The following CDK14 variants were observed in gnomAD, a reference collection of about 807,000 sequenced individuals.
CDK14 encodes cyclin-dependent kinase 14.
CDK14 carries 34 observed loss-of-function variants against 60.7 expected under a neutral mutation model. That is an observed-to-expected ratio of 0.56 (90% CI 0.43 to 0.75). The LOEUF (loss-of-function observed/expected upper bound fraction) is 0.75. Among genes scored for constraint, CDK14 ranks in the 30% least tolerant of loss-of-function variants. The pLI is 0.00. For synonymous variants in CDK14, 197 were observed against 203.7 expected (o/e 0.97, Z 0.28); for missense variants, 482 against 564.1 (o/e 0.85, Z 1.47).
At position 90,740,253 on chromosome 7, in the gene CDK14, G is replaced by GTA. The variant is rs113753789; in HGVS notation, c.370-7411_370-7410dup. Among the ~76,000 whole-genome samples, 1,315 of 145,326 alleles carry GTA rather than the reference G, an allele frequency of 9.0e-3. 10 individuals are homozygous for GTA. The highest frequency in any genetic ancestry group is 0.021 in the East Asian group (100 of 4,720). On this transcript the variant is annotated intron_variant, in intron 3 of 14. Coordinates refer to ENST00000380050, the MANE Select transcript of CDK14 (RefSeq NM_001287135.2). Reference sequence around the variant, plus strand: ...TATATATGTGTATGTATGTGTGTGTGTATATATATATATATATAGAGAGAG... The same window carrying GTA: ...TATATATGTGTATGTATGTGTGTGTGTATATATATATATATATATAGAGAGAG...
At chr7:90,718,097 T>C (rs944598952) in intron 2 of CDK14, among the ~76,000 whole-genome samples, 2 of 152,096 alleles carry the variant, frequency 1.3e-5, no homozygotes, top group African/African-American at 4.8e-5. Flanking sequence ...GACAATGATA[T>C]AAGGGCAGGA....
chr7:90,844,884 C>A (rs963345284), intron 5 of CDK14, among the ~76,000 whole-genome samples: 2 of 152,080 alleles, frequency 1.3e-5, no homozygotes, highest in African/African-American at 2.4e-5. Context: ...GTGAAGATAA[C>A]CCTTCCCCAT....
chr7:91,066,037 G>T (rs1797966505), intron 11 of CDK14, among the ~76,000 whole-genome samples: 1 of 152,170 alleles, frequency 6.6e-6, no homozygotes, highest in Non-Finnish European at 1.5e-5. Flanking sequence ...GCGCCCTTCA[G>T]TGTGGCCACG....
chr7:91,141,767 C>T lies in CDK14; in HGVS notation c.*28+23559C>T, dbSNP rs1293558452. 1.8e-4 allele frequency among the ~76,000 whole-genome samples: 28 copies of T among 151,952 alleles called. 1 individual carries two copies. Among genetic ancestry groups the T allele is most frequent in the Admixed American group, 1.8e-3 (28 of 15,250 alleles). On this transcript the variant is annotated intron_variant, in intron 14 of 14. Coordinates refer to ENST00000380050, the MANE Select transcript of CDK14 (RefSeq NM_001287135.2). ...CTGGAAGTCTTTAACAGATACTGCC[C>T]GTATACCTAGGATTTGCCTAAAACA... is the stretch of plus-strand genomic sequence containing the variant.
chr7:90,660,319 T>C (rs1800843912), intron 2 of CDK14, among the ~76,000 whole-genome samples: 1 of 152,184 alleles, frequency 6.6e-6, no homozygotes. Flanking sequence ...AAGTATCTAT[T>C]TACTAACTCA....
chr7:90,782,067 T>A (rs1805352191), intron 4 of CDK14, among the ~76,000 whole-genome samples: 1 of 152,176 alleles, frequency 6.6e-6, no homozygotes, highest in Non-Finnish European at 1.5e-5. Flanking sequence ...TATTCTTCCA[T>A]TTGTTTGTAT....
intron 6 of CDK14, among the ~76,000 whole-genome samples, chr7:90,863,670 ATGTGTG>A (rs111580477): frequency 1.4e-5 from 2 of 145,968 alleles, no homozygotes; most frequent in South Asian, 2.2e-4. Context: ...TTATTAAGAT[ATGTGTG>A]TGTGTGTGTG....
chr7:91,117,222 T>A (rs1429201231), intron 13 of CDK14, among the ~76,000 whole-genome samples: 1 of 151,256 alleles, frequency 6.6e-6, no homozygotes, highest in Non-Finnish European at 1.5e-5. Flanking sequence ...TAATCATCTT[T>A]TTTTGGTTCT....
intron 5 of CDK14, among the ~76,000 whole-genome samples, chr7:90,858,178 A>G (rs1181236635): frequency 6.6e-6 from 1 of 152,222 alleles, no homozygotes; most frequent in Non-Finnish European, 1.5e-5. Flanking sequence ...AATATGAAAA[A>G]TGACTTGATG....
rs1194752588 is a variant in CDK14, at chr7:90,632,288, C to A, written c.123+28039C>A. On this transcript the variant is annotated intron_variant, in intron 2 of 14. Transcript: ENST00000380050. ...AGCCACTGGGAGTCCAGGAAGGCAT[C>A]CCCTCAAGATAACAAAACTGTCTCA... is the stretch of plus-strand genomic sequence containing the variant. 3 of 249,874 alleles carry A rather than the reference C, an allele frequency of 1.2e-5. No homozygotes were observed. In the East Asian group the frequency reaches 3.5e-4, roughly 29 times the overall value. The allele number at this position is 249,874 out of a possible 1,614,324, so 15.5% of individuals were successfully genotyped here.
chr7:90,646,433 C>T (rs150970118), intron 2 of CDK14, among the ~76,000 whole-genome samples: 1 of 151,908 alleles, frequency 6.6e-6, no homozygotes, highest in African/African-American at 2.4e-5. Context: ...GTAGCTATAA[C>T]TTAAGCCTTT....
At chr7:91,092,956 A>G (rs1230010685) in intron 12 of CDK14, among the ~76,000 whole-genome samples, 1 of 152,238 alleles carries the variant, frequency 6.6e-6, no homozygotes, top group Non-Finnish European at 1.5e-5. Flanking sequence ...CAATGTTTTC[A>G]TATTTATTGC....
intron 4 of CDK14, among the ~76,000 whole-genome samples, chr7:90,778,102 C>G (rs561181498): frequency 1.5e-3 from 230 of 152,298 alleles, no homozygotes; most frequent in African/African-American, 5.2e-3. Context: ...TATGTCTGGC[C>G]TAGATTTTTC....
chr7:90,790,292 GT>G (rs1295898461), intron 4 of CDK14, among the ~76,000 whole-genome samples: 3 of 152,010 alleles, frequency 2.0e-5, no homozygotes, highest in African/African-American at 7.2e-5. Flanking sequence ...ATCAAGTGTG[GT>G]GATTTGGTTA....
At chr7:91,166,118 A>G (rs1801339497) in intron 14 of CDK14, among the ~76,000 whole-genome samples, 1 of 152,242 alleles carries the variant, frequency 6.6e-6, no homozygotes, top group South Asian at 2.1e-4. Context: ...TAAGGAGGCA[A>G]CGTGTTACTG....
intron 8 of CDK14, among the ~76,000 whole-genome samples, chr7:90,951,368 T>C (rs762274837): frequency 6.6e-5 from 10 of 152,168 alleles, no homozygotes; most frequent in Non-Finnish European, 1.0e-4. Flanking sequence ...CTTTGGCCCA[T>C]TTTCTGGAAT....
At chr7:90,677,976 T>C (rs9655987) in intron 2 of CDK14, among the ~76,000 whole-genome samples, 38,711 of 152,068 alleles carry the variant, frequency 0.25, 5,017 homozygotes, top group African/African-American at 0.29. Flanking sequence ...CTGAGTTGCC[T>C]CTTCGGCAGA....
At chr7:90,722,641 G>A (rs1802498749) in intron 2 of CDK14, among the ~76,000 whole-genome samples, 1 of 151,538 alleles carries the variant, frequency 6.6e-6, no homozygotes, top group Non-Finnish European at 1.5e-5. Context: ...TCAAAAATTA[G>A]GGAAAGGCGG....
At chr7:90,822,744 A>T (rs1392962082) in intron 5 of CDK14, among the ~76,000 whole-genome samples, 2 of 152,222 alleles carry the variant, frequency 1.3e-5, no homozygotes, top group South Asian at 4.1e-4. Flanking sequence ...AAAAGAGCAC[A>T]TAATGATTGT....
Sources: gnomAD v4.1 joint callset for allele counts (sites outside exome capture counted in the v4.1 genomes callset) on GRCh38, gnomAD v4.1.1 for gene constraint, MANE v1.5 for transcripts, NCBI Gene and HGNC (gene_info 2026-07-23, HGNC 2026-07-21) for gene names.